The following ABCB9 variants were observed in gnomAD, a reference collection of about 807,000 sequenced individuals.
ABCB9 encodes the protein ATP binding cassette subfamily B member 9, also known as ABC-type oligopeptide transporter ABCB9.
Under a neutral mutation model 62.0 loss-of-function variants are expected in ABCB9, and 36 were observed. That is an observed-to-expected ratio of 0.58 (90% confidence interval 0.45 to 0.77). The LOEUF is 0.77. Among genes scored for constraint, ABCB9 ranks in the 30% least tolerant of loss-of-function variants. ABCB9 has a pLI of 0.00. For missense variants in ABCB9, 943 were observed against 1,054.7 expected (o/e 0.89, Z 1.47); for synonymous variants, 435 against 461.4 (o/e 0.94, Z 0.73).
Position 122,959,745 on chromosome 12 carries a change from G to A in ABCB9, c.491C>T (p.Pro164Leu), listed in dbSNP as rs752860290. Residue 164 changes from proline to leucine, a missense_variant, in exon 2 of 12, where the codon CCA becomes CTA. Pro to Leu is a moderately conservative substitution (Grantham distance 98). Coordinates refer to ENST00000280560, the MANE Select transcript of ABCB9 (RefSeq NM_019625.4). The surrounding 1 kb of genome is among the most constrained non-coding windows in gnomAD (Gnocchi z 5.4). ...EAEGFPGSGR[P>L]PPEQASGATL... is the part of the protein sequence containing the mutation. ...GGCCCCAGACGCCTGCTCGGGCGGTGGCCGGCCGCTCCCAGGGAAGCCCTC... is the reference window on the plus strand; with the variant it reads ...GGCCCCAGACGCCTGCTCGGGCGGTAGCCGGCCGCTCCCAGGGAAGCCCTC... 1.2e-6 allele frequency: 2 copies of A among 1,611,476 alleles called. No individual in the cohort carries two copies. Among genetic ancestry groups the A allele is most frequent in the Non-Finnish European group, 1.7e-6 (2 of 1,178,946 alleles).
Position 122,948,672 on chromosome 12 carries a change from GC to G in ABCB9, c.1004del (p.Gly335AlafsTer6). 1 of 1,613,988 alleles carries G rather than the reference GC, an allele frequency of 6.2e-7. No individual in the cohort carries two copies. The highest frequency in any genetic ancestry group is 8.5e-7 in the Non-Finnish European group (1 of 1,179,920). On this transcript the variant is annotated frameshift_variant, in exon 5 of 12. Transcript: ENST00000280560. LOFTEE classifies it high-confidence loss of function. ...SWQLSLVTFM[G>X]FPIIMMVSNI... The stretch of plus-strand genomic sequence containing the variant: ...TGGACACCATCATGATGATGGGGAA[GC>G]CCATGAAGGTGACCAAGGAGAGCTG...
In ABCB9 at chr12:122,935,384, C is replaced by T. The variant is rs144937544; in HGVS notation, c.1791G>A (p.Thr597=). The change falls in exon 10 of 12, where the codon ACG becomes ACA. Residue 597 remains threonine (T), a synonymous_variant. Coordinates refer to ENST00000280560, the MANE Select transcript of ABCB9 (RefSeq NM_019625.4). The part of the protein sequence containing the change: ...QEPVLFARSI[T]DNISYGLPTV... ...TGGGCAGGCCGTAGGAGATGTTATC[C>T]GTGATGGAGCGGGCGAACAGCACGG... The T allele has an allele frequency of 2.4e-5, 39 of 1,613,872 alleles. No homozygotes were observed. Among genetic ancestry groups the T allele is most frequent in the African/African-American group, 4.0e-5 (3 of 74,914 alleles).
rs976837804 is a variant in ABCB9, at chr12:122,947,378, G to A, written c.1054-1156C>T. On this transcript the variant is annotated intron_variant, in intron 5 of 11. Transcript: ENST00000280560. The surrounding 1 kb of genome is among the most constrained non-coding windows in gnomAD (Gnocchi z 6.0). The stretch of plus-strand genomic sequence containing the variant: ...GTGGCTGGAGAAGACTGTGGGGAGT[G>A]GCCTCACCGGGGGCTGGGTGGGAGA... The A allele has an allele frequency of 5.1e-6, 2 of 392,540 alleles. No homozygotes were observed. Among genetic ancestry groups the A allele is most frequent in the Non-Finnish European group, 1.0e-5 (2 of 190,710 alleles). The allele number at this position is 392,540 out of a possible 1,614,324, so 24.3% of individuals were successfully genotyped here.
rs1353951235 is a variant in ABCB9 at position 122,960,239 on chromosome 12, G to A, written c.-4C>T. The A allele has an allele frequency of 3.7e-6, 6 of 1,609,460 alleles. No homozygotes were observed. Among genetic ancestry groups the A allele is most frequent in the Non-Finnish European group, 5.1e-6 (6 of 1,177,146 alleles). Reference sequence around the variant, plus strand: ...CCACCGCCTTCCACAGCCGCATCCTGCTGGTTGGAGGTGGGCGGGTGCTGA... The same window carrying A: ...CCACCGCCTTCCACAGCCGCATCCTACTGGTTGGAGGTGGGCGGGTGCTGA... On this transcript the variant is annotated 5_prime_UTR_variant, in exon 2 of 12. Coordinates refer to ENST00000280560, the MANE Select transcript of ABCB9 (RefSeq NM_019625.4).
chr12:122,943,712 C>T (rs1352478113), intron 7 of ABCB9, among the ~76,000 whole-genome samples: 3 of 152,236 alleles, frequency 2.0e-5, no homozygotes, highest in African/African-American at 7.2e-5. Flanking sequence ...TCACTGTAAC[C>T]TCTGCCTCCC....
intron 7 of ABCB9, among the ~76,000 whole-genome samples, chr12:122,942,575 CACCACTGT>C (rs1301817900): frequency 2.0e-5 from 3 of 147,382 alleles, no homozygotes; most frequent in Admixed American, 6.8e-5. Context: ...GCCAAGATTG[CACCACTGT>C]ACTCCAGCCT....
At chr12:122,941,416 C>G (rs756398902) in intron 7 of ABCB9, among the ~76,000 whole-genome samples, 13 of 150,858 alleles carry the variant, frequency 8.6e-5, no homozygotes, top group Non-Finnish European at 1.6e-4. Flanking sequence ...TCAAGTGATT[C>G]TCCTGCCTCA....
downstream of ABCB9, chr12:122,924,957 C>G (rs2034850555): frequency 1.2e-6 from 1 of 860,462 alleles, no homozygotes; most frequent in African/African-American, 1.7e-5. Flanking sequence ...CACTCTGTCA[C>G]CCAGGCTGGA....
intron 1 of ABCB9, among the ~76,000 whole-genome samples, chr12:122,965,732 T>C (rs1373102393): frequency 6.6e-6 from 1 of 151,582 alleles, no homozygotes; most frequent in African/African-American, 2.4e-5. Context: ...GAGGAGGCTT[T>C]TTTTTTTTTT....
intron 7 of ABCB9, among the ~76,000 whole-genome samples, chr12:122,941,583 A>G (rs1434954230): frequency 6.6e-6 from 1 of 152,136 alleles, no homozygotes; most frequent in Non-Finnish European, 1.5e-5. Flanking sequence ...TGCTGGGATT[A>G]CAGGCATGAG....
chr12:122,949,802 T>C lies in ABCB9; in HGVS notation c.833A>G (p.Asp278Gly). 6.2e-7 allele frequency: 1 copy of C among 1,614,132 alleles called. No homozygotes were observed. Among genetic ancestry groups the C allele is most frequent in the Non-Finnish European group, 8.5e-7 (1 of 1,179,988 alleles). Residue 278 changes from aspartate (D) to glycine (G), a missense_variant, in exon 4 of 12, where the codon GAT (aspartate) becomes GGT (glycine). Coordinates refer to ENST00000280560, the MANE Select transcript of ABCB9 (RefSeq NM_019625.4). ...GAAGGACCAACCTGTGCGGTTCTCA[T>C]CAAAGAAGCTTGTCTCCTGGGACAC... ...SLVSQETSFF[D>G]ENRTGDLISR...
intron 1 of ABCB9, among the ~76,000 whole-genome samples, chr12:122,974,006 C>T (rs1462520772): frequency 6.6e-6 from 1 of 152,262 alleles, no homozygotes; most frequent in Admixed American, 6.5e-5. Flanking sequence ...GATCGCGCCA[C>T]TGCACTCCAG....
At chr12:122,926,716 T>C (rs940578941), downstream of ABCB9, among the ~76,000 whole-genome samples, 1 of 149,988 alleles carries the variant, frequency 6.7e-6, no homozygotes, top group African/African-American at 2.5e-5. Flanking sequence ...AAGCAAGGCC[T>C]GTCTCTACAA....
In ABCB9 at chr12:122,959,784, G is replaced by A. The variant is rs758112229; in HGVS notation, c.452C>T (p.Ala151Val). ...RPGTQALEPGAATEAEGFPGS... is the reference protein window; with the variant it reads ...RPGTQALEPGVATEAEGFPGS... ...AGGGAAGCCCTCAGCCTCGGTGGCCGCCCCTGGCTCCAGGGCCTGGGTGCC... is the reference window on the plus strand; with the variant it reads ...AGGGAAGCCCTCAGCCTCGGTGGCCACCCCTGGCTCCAGGGCCTGGGTGCC... Residue 151 changes from alanine (A) to valine (V), a missense_variant, in exon 2 of 12, where the codon GCG (alanine) becomes GTG (valine). By Grantham distance (64) the Ala-to-Val change is moderately conservative. Coordinates refer to ENST00000280560, the MANE Select transcript of ABCB9 (RefSeq NM_019625.4). The surrounding 1 kb of genome is among the most constrained non-coding windows in gnomAD (Gnocchi z 5.4). 33 of 1,611,720 alleles carry A rather than the reference G, an allele frequency of 2.0e-5. No homozygotes were observed. In the Admixed American group the frequency reaches 3.5e-4, roughly 17 times the overall value.
Position 122,947,988 on chromosome 12 carries a change from T to C in ABCB9, c.1053+636A>G. 6.5e-6 allele frequency: 1 copy of C among 153,032 alleles called. No individual in the cohort carries two copies. Among genetic ancestry groups the C allele is most frequent in the East Asian group, 1.9e-4 (1 of 5,206 alleles). The allele number at this position is 153,032 out of a possible 1,614,324, so 9.5% of individuals were successfully genotyped here. ...TTGCTGTGTCACCCAGGCTAGAGTA[T>C]AGTGGCACGATCATTGCTCACTACA... On this transcript the variant is annotated intron_variant, in intron 5 of 11. Coordinates refer to ENST00000280560, the MANE Select transcript of ABCB9 (RefSeq NM_019625.4). The surrounding 1 kb of genome is among the most constrained non-coding windows in gnomAD (Gnocchi z 6.0).
intron 2 of ABCB9, among the ~76,000 whole-genome samples, chr12:122,956,924 T>C (rs751953687): frequency 2.6e-5 from 4 of 152,158 alleles, no homozygotes; most frequent in Middle Eastern, 3.4e-3. Context: ...TCCCAAAGTG[T>C]TGGGATTACA....
Position 122,944,313 on chromosome 12 carries a change from C to G in ABCB9, c.1380+78G>C. The G allele has an allele frequency of 6.6e-7, 1 of 1,514,906 alleles. No individual in the cohort carries two copies. Among genetic ancestry groups the G allele is most frequent in the Non-Finnish European group, 8.9e-7 (1 of 1,120,326 alleles). The allele number at this position is 1,514,906 out of a possible 1,614,324, so 93.8% of individuals were successfully genotyped here. ...CCACATTGTCAGAGTCCCTGGAGCC[C>G]CGCCCCCACCCTGTTAAGATCCCTC... On this transcript the variant is annotated intron_variant, in intron 7 of 11. Coordinates refer to ENST00000280560, the MANE Select transcript of ABCB9 (RefSeq NM_019625.4). The surrounding 1 kb of genome is among the most constrained non-coding windows in gnomAD (Gnocchi z 4.9).
At position 122,929,334 on chromosome 12, in the gene ABCB9, C is replaced by T; in HGVS notation, c.*577G>A. 2 of 985,986 alleles carry T rather than the reference C, an allele frequency of 2.0e-6. No individual in the cohort carries two copies. Among genetic ancestry groups the T allele is most frequent in the Non-Finnish European group, 2.4e-6 (2 of 830,044 alleles). 61.1% of individuals were successfully genotyped at this position (985,986 alleles called of 1,614,324 possible). A position where few individuals can be genotyped will look rare whatever the true frequency, so the allele number is the denominator to read the frequency against. On this transcript the variant is annotated 3_prime_UTR_variant, in exon 12 of 12. Transcript: ENST00000280560. This position sits in a 1 kb window ranked among gnomAD's most constrained non-coding sequence, Gnocchi z 6.0. ...TAGATTGGCAGCGGGCGATGGCAGA[C>T]AGATGCCCTCCACGCTCCCTACCCG...
At chr12:122,946,274 T>A in intron 5 of ABCB9, 52 bp from the exon 6 acceptor site, 1 of 1,596,998 alleles carries the variant, frequency 6.3e-7, no homozygotes, top group Non-Finnish European at 8.6e-7. Context: ...AGCCTCACTA[T>A]GTACTGGAGC....
Sources: allele counts gnomAD v4.1 joint callset (sites outside exome capture counted in the v4.1 genomes callset), GRCh38; gene constraint gnomAD v4.1.1; non-coding constraint Gnocchi (gnomAD v3.1); transcripts MANE v1.5; gene names NCBI Gene and HGNC (gene_info 2026-07-23, HGNC 2026-07-21).